Variants in MYH10 observed in about 807,000 individuals in gnomAD.
The protein encoded by MYH10 is myosin-10.
MYH10 carries 55 observed loss-of-function variants against 257.8 expected under a neutral mutation model. That is an observed-to-expected ratio of 0.21 (90% CI 0.17 to 0.27). The LOEUF is 0.27. MYH10 is among the 10% of genes least tolerant of loss of function. MYH10 has a pLI of 1.00. For missense variants in MYH10, 1,631 were observed against 2,500.6 expected (o/e 0.65, Z 7.42); for synonymous variants, 854 against 921.7 (o/e 0.93, Z 1.33).
At chr17:8,624,038 A>G (rs1289083138) in intron 1 of MYH10, among the ~76,000 whole-genome samples, 1 of 152,168 alleles carries the variant, frequency 6.6e-6, no homozygotes, top group Admixed American at 6.5e-5. Flanking sequence ...TTCCCTCTAA[A>G]GTGTGTGGCC....
chr17:8,502,266 T>G (rs1482568921), intron 28 of MYH10, among the ~76,000 whole-genome samples: 1 of 152,210 alleles, frequency 6.6e-6, no homozygotes. Context: ...GCCTGGTGGC[T>G]GCCAGCTCCA....
At chr17:8,616,303 T>G (rs1226520189) in intron 2 of MYH10, among the ~76,000 whole-genome samples, 1 of 151,696 alleles carries the variant, frequency 6.6e-6, no homozygotes, top group Admixed American at 6.6e-5. Context: ...AAGTATAAGA[T>G]TTAGTGAAAA....
At chr17:8,613,381 T>A (rs956888281) in intron 2 of MYH10, among the ~76,000 whole-genome samples, 7 of 152,172 alleles carry the variant, frequency 4.6e-5, no homozygotes, top group African/African-American at 1.7e-4. Context: ...AAATGTAATA[T>A]GTGTCTTGTG....
intron 30 of MYH10, 24 bp from the exon 31 acceptor site, chr17:8,495,265 T>C (rs906744578): frequency 1.4e-6 from 2 of 1,432,660 alleles, no homozygotes; most frequent in Non-Finnish European, 2.0e-6. Context: ...AAGATTAAAT[T>C]CAACTCAATA....
intron 3 of MYH10, among the ~76,000 whole-genome samples, chr17:8,592,972 A>G (rs201680256): frequency 3.9e-5 from 1 of 25,958 alleles, no homozygotes; most frequent in Non-Finnish European, 1.1e-4. Flanking sequence ...TATATATATA[A>G]AAGATGATGC....
intron 29 of MYH10, 44 bp from the exon 30 acceptor site, chr17:8,499,520 A>T: frequency 6.3e-7 from 1 of 1,592,740 alleles, no homozygotes; most frequent in South Asian, 1.1e-5. Context: ...TTATTTTCTA[A>T]AACTCCATAC....
At chr17:8,630,313 T>C (rs1371965874) in intron 1 of MYH10, among the ~76,000 whole-genome samples, 1 of 128,030 alleles carries the variant, frequency 7.8e-6, no homozygotes, top group Non-Finnish European at 1.7e-5. Context: ...CAGATCTCCA[T>C]CCCCCAGCCC....
chr17:8,594,998 C>T (rs944105798), intron 3 of MYH10, among the ~76,000 whole-genome samples: 2 of 152,030 alleles, frequency 1.3e-5, no homozygotes, highest in African/African-American at 2.4e-5. Context: ...GTCTTAATTG[C>T]CAAAAACTGA....
intron 17 of MYH10, among the ~76,000 whole-genome samples, chr17:8,524,811 T>C (rs566462850): frequency 6.6e-6 from 1 of 152,296 alleles, no homozygotes; most frequent in South Asian, 2.1e-4. Flanking sequence ...CTTGAGTTTC[T>C]CCCACAGCCT....
chr17:8,549,899 A>G (rs1277041911), intron 9 of MYH10, among the ~76,000 whole-genome samples: 5 of 148,450 alleles, frequency 3.4e-5, no homozygotes, highest in African/African-American at 5.0e-5. Context: ...TGTGTTGGCC[A>G]GGCCGGTCTC....
intron 14 of MYH10, among the ~76,000 whole-genome samples, chr17:8,539,608 G>A (rs2082238870): frequency 1.3e-5 from 2 of 150,492 alleles, no homozygotes; most frequent in African/African-American, 4.9e-5. Context: ...CTTTTTTTTT[G>A]AGATGGGGTC....
At chr17:8,560,163 C>T (rs929337660) in intron 7 of MYH10, among the ~76,000 whole-genome samples, 10 of 152,048 alleles carry the variant, frequency 6.6e-5, no homozygotes, top group Non-Finnish European at 1.0e-4. Context: ...TATCAACATG[C>T]GGTTTAAGCT....
chr17:8,510,977 A>T (rs548816339), intron 24 of MYH10: 1 of 145,548 alleles, frequency 6.9e-6, no homozygotes, highest in Non-Finnish European at 1.5e-5. Context: ...GGTGATTATT[A>T]CACACTACAT....
intron 30 of MYH10, among the ~76,000 whole-genome samples, chr17:8,495,986 G>A (rs140340845): frequency 9.8e-4 from 149 of 152,290 alleles, no homozygotes; most frequent in African/African-American, 3.2e-3. Context: ...TGGGATGACA[G>A]ATGTGAGCCA....
At chr17:8,618,251 C>CT (rs149959575) in intron 2 of MYH10, among the ~76,000 whole-genome samples, 50,182 of 142,378 alleles carry the variant, frequency 0.35, 10,427 homozygotes, top group African/African-American at 0.6. Flanking sequence ...TTCCTTTTTT[C>CT]TTTTTTTTTT....
At chr17:8,582,341 C>T (rs1271065947) in intron 4 of MYH10, among the ~76,000 whole-genome samples, 1 of 152,124 alleles carries the variant, frequency 6.6e-6, no homozygotes, top group Non-Finnish European at 1.5e-5. Context: ...GCCAAGACCT[C>T]AAAGAGTGAG....
In MYH10 at chr17:8,477,554, A is replaced by T. The variant is rs1365473874; in HGVS notation, c.5707-506T>A. ...TAAGAGCCTCCCTTTTGGACCCTTC[A>T]TTCCTGAGCCACACAGGCACTGGTC... On this transcript the variant is annotated intron_variant, in intron 41 of 42. Transcript: ENST00000360416. The surrounding 1 kb of genome is among the most constrained non-coding windows in gnomAD (Gnocchi z 4.2). Among the ~76,000 whole-genome samples the T allele has an allele frequency of 3.3e-5, 5 of 152,126 alleles. No individual in the cohort carries two copies. Among genetic ancestry groups the T allele is most frequent in the Admixed American group, 6.5e-5 (1 of 15,280 alleles).
chr17:8,539,679 AG>A (rs1028490918), intron 14 of MYH10, among the ~76,000 whole-genome samples: 8 of 152,104 alleles, frequency 5.3e-5, no homozygotes, highest in African/African-American at 1.7e-4. Context: ...CCTCCAACTC[AG>A]GGCCTCAAAG....
chr17:8,589,146 G>T lies in MYH10; in HGVS notation c.503-38C>A. On this transcript the variant is annotated intron_variant, in intron 3 of 42. Transcript: ENST00000360416. ...ACAAAACAAACAAAAAAAAGAAAGT[G>T]ACCATTTGCCTGGTTTTAAAATATT... The T allele has an allele frequency of 4.4e-6, 7 of 1,602,440 alleles. No homozygotes were observed. In the South Asian group the frequency reaches 7.8e-5, roughly 18 times the overall value.
Sources: gnomAD v4.1 joint callset for allele counts (sites outside exome capture counted in the v4.1 genomes callset) on GRCh38, gnomAD v4.1.1 for gene constraint, Gnocchi (gnomAD v3.1) non-coding constraint, MANE v1.5 for transcripts, NCBI Gene and HGNC (gene_info 2026-07-23, HGNC 2026-07-21) for gene names.